The following NINL variants were observed in gnomAD, a reference collection of about 807,000 sequenced individuals.
NINL encodes ninein like, also known as ninein-like protein.
In NINL, 153 loss-of-function variants were observed where a neutral mutation model predicts 160.3. The ratio of observed to expected loss-of-function variants is 0.95; its 90% CI spans 0.84 to 1.09. The LOEUF (loss-of-function observed/expected upper bound fraction) is 1.09. Ranked by LOEUF, NINL falls within the 50% of genes least tolerant of loss-of-function variation. The pLI is 0.00. For missense variants in NINL, 1,829 were observed against 1,764.0 expected, an observed-to-expected ratio of 1.04 and a Z score of -0.66; for synonymous variants, 800 against 734.8, an observed-to-expected ratio of 1.09 and a Z score of -1.43.
intron 13 of NINL, among the ~76,000 whole-genome samples, chr20:25,487,438 T>C (rs1457162178): frequency 6.6e-6 from 1 of 152,216 alleles, no homozygotes; most frequent in Admixed American, 6.5e-5. Context: ...TTTTCAAGCC[T>C]ATACAGGGTT....
In NINL at chr20:25,476,856, G is replaced by C; in HGVS notation, c.2435C>G (p.Ala812Gly). The C allele has an allele frequency of 5.0e-6, 8 of 1,613,354 alleles. No individual in the cohort carries two copies. The highest frequency in any genetic ancestry group is 5.9e-6 in the Non-Finnish European group (7 of 1,179,904). ...GGGCCCGTCCACTCGCTTCCCGCGGGCAAGCTCCAACTCCTCCTCCTCGAG... is the reference window on the plus strand; with the variant it reads ...GGGCCCGTCCACTCGCTTCCCGCGGCCAAGCTCCAACTCCTCCTCCTCGAG... ...LALEEEELEL[A>G]RGKRVDGPSL... The change falls in exon 17 of 24, where the codon GCC becomes GGC. Residue 812 changes from alanine (A) to glycine (G), a missense_variant. Coordinates refer to ENST00000278886, the MANE Select transcript of NINL (RefSeq NM_025176.6).
intron 1 of NINL, among the ~76,000 whole-genome samples, chr20:25,542,829 G>A (rs1026153452): frequency 1.1e-4 from 16 of 143,702 alleles, no homozygotes; most frequent in Middle Eastern, 3.8e-3. Flanking sequence ...TCATGAGTTC[G>A]AGACCAACCT....
chr20:25,576,135 C>T (rs2065112168), intron 1 of NINL, among the ~76,000 whole-genome samples: 1 of 152,314 alleles, frequency 6.6e-6, no homozygotes, highest in Non-Finnish European at 1.5e-5. Context: ...GTCCAGTTTC[C>T]AATTCAGAGA....
chr20:25,489,496 C>G (rs2063575711), intron 12 of NINL, among the ~76,000 whole-genome samples, 172 bp from the exon 13 acceptor site: 1 of 151,892 alleles, frequency 6.6e-6, no homozygotes, highest in African/African-American at 2.4e-5. Context: ...TCTAGAAGGT[C>G]ACAAGACAGA....
intron 1 of NINL, among the ~76,000 whole-genome samples, chr20:25,554,628 A>C (rs2064844788): frequency 3.4e-5 from 1 of 29,828 alleles, no homozygotes; most frequent in Non-Finnish European, 7.5e-5. Flanking sequence ...CTTTACCAAA[A>C]AAAAAAACAA....
intron 3 of NINL, among the ~76,000 whole-genome samples, chr20:25,514,195 G>A (rs2064122894): frequency 1.3e-5 from 2 of 152,200 alleles, no homozygotes; most frequent in South Asian, 2.1e-4. Context: ...TGGAGATAAG[G>A]AGCATATTGG....
At position 25,475,994 on chromosome 20, in the gene NINL, G is replaced by A. The variant is rs144242902; in HGVS notation, c.3248+49C>T. 2.4e-3 allele frequency: 3,721 copies of A among 1,565,720 alleles called. 14 individuals carry two copies. The highest frequency in any genetic ancestry group is 8.9e-3 in the Middle Eastern group (52 of 5,832). On this transcript the variant is annotated intron_variant, in intron 17 of 23. Coordinates refer to ENST00000278886, the MANE Select transcript of NINL (RefSeq NM_025176.6). ...CAACAGGGGTCAGTGGGTTAGTTCT[G>A]CATTTTTAGTTTGAAGTGTTTAGTT... is the stretch of plus-strand genomic sequence containing the variant.
At chr20:25,475,347 C>T (rs574221) in intron 17 of NINL, among the ~76,000 whole-genome samples, 260 of 152,244 alleles carry the variant, frequency 1.7e-3, no homozygotes, top group Middle Eastern at 6.8e-3. Context: ...GAACTTCCAC[C>T]ACCTCTTCTC....
intron 5 of NINL, among the ~76,000 whole-genome samples, chr20:25,508,060 T>C (rs1039736477): frequency 6.6e-6 from 1 of 152,194 alleles, no homozygotes; most frequent in Non-Finnish European, 1.5e-5. Context: ...GCTCTAGATC[T>C]AGACATCAAG....
chr20:25,493,588 G>A (rs1012424398), intron 10 of NINL, among the ~76,000 whole-genome samples: 2 of 152,140 alleles, frequency 1.3e-5, no homozygotes, highest in African/African-American at 4.8e-5. Context: ...CGGAAGGCAG[G>A]GAGCTATGAG....
chr20:25,576,634 T>C (rs912044769), intron 1 of NINL, among the ~76,000 whole-genome samples: 1 of 151,614 alleles, frequency 6.6e-6, no homozygotes, highest in Admixed American at 6.6e-5. Flanking sequence ...AATTTTTCAT[T>C]TTTTTTTGGT....
At chr20:25,573,653 C>A (rs1157750370) in intron 1 of NINL, among the ~76,000 whole-genome samples, 2 of 152,198 alleles carry the variant, frequency 1.3e-5, no homozygotes, top group Non-Finnish European at 2.9e-5. Context: ...ATCTGAGGAG[C>A]CCATTGATGG....
At chr20:25,574,355 C>CT (rs374056975) in intron 1 of NINL, among the ~76,000 whole-genome samples, 4,805 of 146,388 alleles carry the variant, frequency 0.033, 224 homozygotes, top group African/African-American at 0.11. Flanking sequence ...CCACCACCGT[C>CT]TTTTTTTTTT....
At chr20:25,463,553 C>T (rs548073838) in intron 19 of NINL, among the ~76,000 whole-genome samples, 21 of 152,318 alleles carry the variant, frequency 1.4e-4, no homozygotes, top group African/African-American at 7.2e-5. Context: ...AGTGGCCCTG[C>T]GGTCTGGACC....
chr20:25,489,692 C>A lies in NINL; in HGVS notation c.1596+183G>T, dbSNP rs2387891. Among the ~76,000 whole-genome samples, 4 of 151,840 alleles carry A rather than the reference C, an allele frequency of 2.6e-5. No individual in the cohort carries two copies. The East Asian group carries it at 7.8e-4, about 29-fold the overall frequency. On this transcript the variant is annotated intron_variant, in intron 12 of 23. Coordinates refer to ENST00000278886, the MANE Select transcript of NINL (RefSeq NM_025176.6). The stretch of plus-strand genomic sequence containing the variant: ...CAGTTGTGCTGTGTGGGCAGACGGC[C>A]CCCCACATTGTCATGCAGAGGAAGC...
intron 1 of NINL, among the ~76,000 whole-genome samples, chr20:25,548,356 A>G (rs1195903909): frequency 2.0e-5 from 3 of 152,148 alleles, no homozygotes; most frequent in Admixed American, 6.5e-5. Flanking sequence ...ACTGAGCTCC[A>G]CAAGAGTCCT....
chr20:25,582,588 C>CAT (rs2065186009), intron 1 of NINL, among the ~76,000 whole-genome samples: 1 of 152,172 alleles, frequency 6.6e-6, no homozygotes, highest in Non-Finnish European at 1.5e-5. Context: ...CATAAACACA[C>CAT]ATCCCACTTT....
intron 16 of NINL, among the ~76,000 whole-genome samples, chr20:25,478,095 C>T (rs1386364368): frequency 1.3e-5 from 2 of 151,966 alleles, no homozygotes; most frequent in Non-Finnish European, 2.9e-5. Flanking sequence ...ATTACAGGCG[C>T]CTGCTACCAT....
chr20:25,501,118 G>C, intron 7 of NINL, 108 bp from the exon 8 acceptor site: 3 of 1,405,504 alleles, frequency 2.1e-6, no homozygotes, highest in Non-Finnish European at 2.8e-6. Flanking sequence ...GGCCTCACAG[G>C]AACAGCTCAT....
Sources: allele counts gnomAD v4.1 joint callset (sites outside exome capture counted in the v4.1 genomes callset), GRCh38; gene constraint gnomAD v4.1.1; transcripts MANE v1.5; gene names NCBI Gene and HGNC (gene_info 2026-07-23, HGNC 2026-07-21).